The following FAM114A2 variants were observed in gnomAD, a reference collection of about 807,000 sequenced individuals.
The protein encoded by FAM114A2 is protein FAM114A2.
A neutral mutation model predicts 58.4 loss-of-function variants in FAM114A2; 53 were observed. The observed-to-expected ratio is 0.91, with a 90% CI of 0.73 to 1.14. The LOEUF (loss-of-function observed/expected upper bound fraction) is 1.14. Among genes scored for constraint, FAM114A2 ranks in the 50% most tolerant of loss-of-function variants. FAM114A2 has a pLI of 0.00. For synonymous variants in FAM114A2, 228 were observed against 211.4 expected, an observed-to-expected ratio of 1.08 and a Z score of -0.68; for missense variants, 601 against 581.1, an observed-to-expected ratio of 1.03 and a Z score of -0.35.
At chr5:154,032,595 T>A (rs1219267812) in intron 4 of FAM114A2, among the ~76,000 whole-genome samples, 2 of 152,162 alleles carry the variant, frequency 1.3e-5, no homozygotes, top group Admixed American at 1.3e-4. Flanking sequence ...TTCTAGGCAA[T>A]GGCATTGGAG....
intron 5 of FAM114A2, 23 bp downstream of exon 5, chr5:154,029,466 C>G (rs200469538): frequency 5.4e-6 from 7 of 1,289,686 alleles, no homozygotes; most frequent in Non-Finnish European, 7.9e-6. Flanking sequence ...AAGGAACAGA[C>G]CACCTTGCAC....
intron 8 of FAM114A2, among the ~76,000 whole-genome samples, chr5:154,017,355 T>A (rs1024938390): frequency 2.0e-5 from 3 of 152,086 alleles, no homozygotes; most frequent in African/African-American, 7.2e-5. Context: ...GGCAGAAGAA[T>A]CCCTTGAACC....
rs1323131725 is a variant in FAM114A2, at chr5:154,033,851, C to G, written c.343G>C (p.Glu115Gln). 6.2e-7 allele frequency: 1 copy of G among 1,611,224 alleles called. No individual in the cohort carries two copies. Among genetic ancestry groups the G allele is most frequent in the Non-Finnish European group, 8.5e-7 (1 of 1,177,660 alleles). Residue 115 changes from glutamate to glutamine, a missense_variant, in exon 4 of 14, where the codon GAG (glutamate) becomes CAG (glutamine). Glu to Gln is a conservative substitution (Grantham distance 29). Transcript: ENST00000351797. The part of the protein sequence containing the change: ...QGISNVIEKA[E>Q]TSLGIPGPSE... ...GGACCAGGGATTCCAAGGGAAGTCTCTGCCTTCTCGATGACATTTGAAATG... is the reference window on the plus strand; with the variant it reads ...GGACCAGGGATTCCAAGGGAAGTCTGTGCCTTCTCGATGACATTTGAAATG...
intron 8 of FAM114A2, among the ~76,000 whole-genome samples, chr5:154,022,758 C>A (rs980360787): frequency 5.3e-5 from 8 of 152,142 alleles, no homozygotes; most frequent in African/African-American, 1.7e-4. Context: ...ACTAGAAATA[C>A]CATTTGACCC....
intron 9 of FAM114A2, among the ~76,000 whole-genome samples, chr5:154,010,134 A>G (rs1269776743): frequency 6.6e-6 from 1 of 152,246 alleles, no homozygotes; most frequent in Admixed American, 6.5e-5. Flanking sequence ...AGTTACAAAA[A>G]TAAAGTGTTT....
chr5:154,020,451 T>A (rs1379056603), intron 8 of FAM114A2, among the ~76,000 whole-genome samples: 1 of 152,024 alleles, frequency 6.6e-6, no homozygotes, highest in Admixed American at 6.6e-5. Context: ...AATAAAAAAA[T>A]GATGAAGAGT....
At position 154,034,817 on chromosome 5, in the gene FAM114A2, A is replaced by G. The variant is rs746326126; in HGVS notation, c.137T>C (p.Val46Ala). ...GAKPESKSEP[V>A]VSTRKRPETK... ...CTCTGGTCTTTTCCGAGTGGAAACTACAGGTTCTGATTTACTCTCTGGTTT... is the reference window on the plus strand; with the variant it reads ...CTCTGGTCTTTTCCGAGTGGAAACTGCAGGTTCTGATTTACTCTCTGGTTT... The change falls in exon 2 of 14, where the codon GTA (valine) becomes GCA (alanine). Residue 46 changes from valine to alanine, a missense_variant. Physicochemically the swap from Val to Ala is moderately conservative, Grantham distance 64 (BLOSUM62 0). Transcript: ENST00000351797. The G allele has an allele frequency of 1.9e-6, 3 of 1,614,048 alleles. No homozygotes were observed. In the East Asian group the frequency reaches 6.7e-5, roughly 36 times the overall value.
chr5:154,000,479 T>C (rs1193847033), intron 11 of FAM114A2, among the ~76,000 whole-genome samples: 1 of 152,136 alleles, frequency 6.6e-6, no homozygotes, highest in Non-Finnish European at 1.5e-5. Context: ...ATATATTATG[T>C]ATCAGTAAAA....
intron 12 of FAM114A2, chr5:153,995,190 T>C: frequency 2.1e-6 from 1 of 468,012 alleles, no homozygotes; most frequent in Non-Finnish European, 3.8e-6. Flanking sequence ...ATTGACAGTG[T>C]ATTGTTTTAT....
intron 8 of FAM114A2, among the ~76,000 whole-genome samples, chr5:154,017,904 A>T (rs754999495): frequency 6.6e-6 from 1 of 152,150 alleles, no homozygotes; most frequent in Non-Finnish European, 1.5e-5. Flanking sequence ...ACCTATCAAA[A>T]CCTCTGGGAT....
chr5:154,002,581 A>T (rs1770055936), intron 10 of FAM114A2, among the ~76,000 whole-genome samples, 191 bp from the exon 11 acceptor site: 1 of 152,198 alleles, frequency 6.6e-6, no homozygotes, highest in Admixed American at 6.5e-5. Flanking sequence ...TGACGAAGTA[A>T]CTAAGTTTTG....
chr5:154,011,887 C>T (rs910531352), intron 8 of FAM114A2, among the ~76,000 whole-genome samples: 14 of 151,936 alleles, frequency 9.2e-5, no homozygotes, highest in South Asian at 2.1e-4. Context: ...GAATATCTAA[C>T]GTAAGGGGGA....
In FAM114A2 at chr5:154,029,508, G is replaced by C; in HGVS notation, c.476C>G (p.Ser159Cys). 2 of 1,605,684 alleles carry C rather than the reference G, an allele frequency of 1.2e-6. No individual in the cohort carries two copies. Among genetic ancestry groups the C allele is most frequent in the Non-Finnish European group, 1.7e-6 (2 of 1,172,808 alleles). ...AGAFGVFSTI[S>C]TAVQSTGKSV... ...ACTTACTGTGCTCTGAACAGCAGTA[G>C]AGATGGTAGAGAATACACCAAATGC... The change falls in exon 5 of 14, where the codon TCT becomes TGT. Residue 159 changes from serine to cysteine, a missense_variant. Ser to Cys is a moderately radical substitution (Grantham distance 112). Coordinates refer to ENST00000351797, the MANE Select transcript of FAM114A2 (RefSeq NM_018691.4).
intron 6 of FAM114A2, 145 bp from the exon 7 acceptor site, chr5:154,027,479 G>T: frequency 1.8e-6 from 1 of 542,996 alleles, no homozygotes; most frequent in Non-Finnish European, 3.0e-6. Context: ...AATCTGGTGG[G>T]CTCAGGAGCT....
At chr5:153,995,162 T>A in intron 12 of FAM114A2, 190 bp from the exon 13 acceptor site, 1 of 549,748 alleles carries the variant, frequency 1.8e-6, no homozygotes, top group South Asian at 2.5e-5. Flanking sequence ...TTTCTTAATA[T>A]CTTTCTGTGC....
At chr5:154,034,998 T>C (rs748494467) in intron 1 of FAM114A2, 31 bp from the exon 2 acceptor site, 33 of 1,337,034 alleles carry the variant, frequency 2.5e-5, no homozygotes, top group Non-Finnish European at 3.4e-5. Flanking sequence ...AAAAAATTTA[T>C]ATAGGCTTCT....
In FAM114A2 at chr5:154,034,929, T is replaced by G. The variant is rs1220405396; in HGVS notation, c.25A>C (p.Thr9Pro). 1 of 1,613,650 alleles carries G rather than the reference T, an allele frequency of 6.2e-7. No homozygotes were observed. The highest frequency in any genetic ancestry group is 8.5e-7 in the Non-Finnish European group (1 of 1,179,750). Reference protein sequence around the residue: MSDKDDIETPLLTEAAPIL... With the variant: MSDKDDIEPPLLTEAAPIL... ...GGGGCTGCTTCAGTTAGCAGTGGAG[T>G]CTCAATATCATCTTTATCTGACATG... The change falls in exon 2 of 14, where the codon ACT becomes CCT. Residue 9 changes from threonine to proline, a missense_variant. Transcript: ENST00000351797.
rs536215845 is a variant in FAM114A2, at chr5:154,015,417, C to G, written c.914-4097G>C. Among the ~76,000 whole-genome samples the G allele has an allele frequency of 3.3e-5, 5 of 152,288 alleles. No homozygotes were observed. The South Asian group carries it at 1.0e-3, about 32-fold the overall frequency. ...GCAAAACAGGTGCGGGTATCCACAG[C>G]TGAGAGACCCACACAGACAGTTCAC... is the stretch of plus-strand genomic sequence containing the variant. On this transcript the variant is annotated intron_variant, in intron 8 of 13. Transcript: ENST00000351797.
chr5:153,998,621 A>T (rs1414004554), intron 11 of FAM114A2, among the ~76,000 whole-genome samples: 1 of 152,210 alleles, frequency 6.6e-6, no homozygotes, highest in Non-Finnish European at 1.5e-5. Context: ...GAAGTCAAGC[A>T]GATGCCACTG....
Sources: allele counts gnomAD v4.1 joint callset (sites outside exome capture counted in the v4.1 genomes callset), GRCh38; gene constraint gnomAD v4.1.1; transcripts MANE v1.5; gene names NCBI Gene and HGNC (gene_info 2026-07-23, HGNC 2026-07-21).